FRAS1: variants seen among roughly 807,000 people sequenced by gnomAD.
FRAS1 encodes extracellular matrix organizing protein FRAS1.
In FRAS1, 290 loss-of-function variants were observed where a neutral mutation model predicts 435.2. The ratio of observed to expected loss-of-function variants is 0.67; its 90% confidence interval spans 0.61 to 0.73. The LOEUF is 0.73. FRAS1 is among the 30% of genes least tolerant of loss of function. FRAS1 has a pLI of 0.00. For synonymous variants in FRAS1, 1,800 were observed against 1,851.0 expected (o/e 0.97, Z 0.71); for missense variants, 4,860 against 5,001.5 (o/e 0.97, Z 0.85).
intron 2 of FRAS1, among the ~76,000 whole-genome samples, chr4:78,196,951 G>A (rs1229835167): frequency 6.6e-6 from 1 of 152,144 alleles, no homozygotes; most frequent in Non-Finnish European, 1.5e-5. Flanking sequence ...TTGCAATGCA[G>A]GGAAGTATGA....
At position 78,542,790 on chromosome 4, in the gene FRAS1, G is replaced by A. The variant is rs1374310535; in HGVS notation, c.*1666G>A. ...TGGTGTCATGGGTGAATGATGGGGA[G>A]TAAATTTAGGAAGGGGAAGTGAGAG... On this transcript the variant is annotated 3_prime_UTR_variant, in exon 74 of 74. Coordinates refer to ENST00000512123, the MANE Select transcript of FRAS1 (RefSeq NM_025074.7). 4 of 152,454 alleles carry A rather than the reference G, an allele frequency of 2.6e-5. No homozygotes were observed. In the East Asian group the frequency reaches 7.7e-4, roughly 29 times the overall value. The allele number at this position is 152,454 out of a possible 1,614,324, so 9.4% of individuals were successfully genotyped here. A position where few individuals can be genotyped will look rare whatever the true frequency, so the allele number is the denominator to read the frequency against.
At position 78,167,776 on chromosome 4, in the gene FRAS1, C is replaced by T. The variant is rs761302620; in HGVS notation, c.109-69734C>T. On this transcript the variant is annotated intron_variant, in intron 2 of 73. Coordinates refer to ENST00000512123, the MANE Select transcript of FRAS1 (RefSeq NM_025074.7). ...CGATCTGAACCTATGCTGTTAACCA[C>T]CATGCTATACTTAGATAAGCCAGTT... 7.9e-5 allele frequency among the ~76,000 whole-genome samples: 12 copies of T among 152,008 alleles called. No individual in the cohort carries two copies. The East Asian group carries it at 1.2e-3, about 15-fold the overall frequency.
At chr4:78,121,437 G>T (rs1339614328) in intron 2 of FRAS1, among the ~76,000 whole-genome samples, 1 of 152,190 alleles carries the variant, frequency 6.6e-6, no homozygotes, top group Non-Finnish European at 1.5e-5. Flanking sequence ...AGGGTGAGGG[G>T]TGTTGGCACA....
At chr4:78,137,947 C>G (rs984167725) in intron 2 of FRAS1, among the ~76,000 whole-genome samples, 1 of 152,096 alleles carries the variant, frequency 6.6e-6, no homozygotes, top group Non-Finnish European at 1.5e-5. Flanking sequence ...TACAGAAGGC[C>G]GGATGAATGG....
intron 14 of FRAS1, among the ~76,000 whole-genome samples, chr4:78,305,545 G>C (rs345540): frequency 0.65 from 77,907 of 119,722 alleles, 26,607 homozygotes; most frequent in African/African-American, 0.74. Flanking sequence ...TCTGGGTGCT[G>C]CTGTATTGGG....
chr4:78,237,427 T>A, intron 2 of FRAS1, 83 bp from the exon 3 acceptor site: 1 of 898,592 alleles, frequency 1.1e-6, no homozygotes, highest in South Asian at 1.5e-5. Flanking sequence ...TTGTCCAGGA[T>A]GTGGGACTAT....
intron 70 of FRAS1, among the ~76,000 whole-genome samples, chr4:78,534,130 C>G (rs542106596): frequency 6.6e-6 from 1 of 152,160 alleles, no homozygotes; most frequent in Non-Finnish European, 1.5e-5. Flanking sequence ...TCTAGCTGGA[C>G]TCCAAAGCGG....
chr4:78,435,067 G>A (rs775060654), intron 38 of FRAS1, among the ~76,000 whole-genome samples: 3 of 151,940 alleles, frequency 2.0e-5, no homozygotes, highest in African/African-American at 4.8e-5. Flanking sequence ...CACCAGCCTG[G>A]ACAACATGGC....
intron 2 of FRAS1, among the ~76,000 whole-genome samples, chr4:78,170,771 C>T (rs370624460): frequency 6.6e-6 from 1 of 151,944 alleles, no homozygotes; most frequent in East Asian, 1.9e-4. Context: ...ACCTCTGATA[C>T]CATCCTCATT....
chr4:78,232,903 C>G (rs879268684), intron 2 of FRAS1, among the ~76,000 whole-genome samples: 23 of 152,128 alleles, frequency 1.5e-4, no homozygotes, highest in Admixed American at 2.6e-4. Flanking sequence ...TCATAGTCTG[C>G]TGGGAAGACA....
chr4:78,380,663 T>G (rs1050230519), intron 27 of FRAS1, among the ~76,000 whole-genome samples: 1 of 152,216 alleles, frequency 6.6e-6, no homozygotes, highest in African/African-American at 2.4e-5. Context: ...ATTAGCCTCT[T>G]GGATTATCCT....
chr4:78,407,981 T>A, intron 31 of FRAS1, 140 bp downstream of exon 31: 1 of 710,416 alleles, frequency 1.4e-6, no homozygotes, highest in Non-Finnish European at 2.2e-6. Flanking sequence ...TTCATGCTAC[T>A]GATAAAGACA....
chr4:78,220,932 C>T (rs1724025485), intron 2 of FRAS1, among the ~76,000 whole-genome samples: 2 of 152,104 alleles, frequency 1.3e-5, no homozygotes, highest in African/African-American at 4.8e-5. Context: ...CTTTGGGAGG[C>T]TGAGGCGGGC....
chr4:78,517,966 G>A (rs1721260774), intron 66 of FRAS1, among the ~76,000 whole-genome samples: 1 of 152,008 alleles, frequency 6.6e-6, no homozygotes, highest in African/African-American at 2.4e-5. Context: ...AGAACAAAAA[G>A]AGGGGCTGGG....
chr4:78,224,744 C>A (rs898147205), intron 2 of FRAS1, among the ~76,000 whole-genome samples: 4 of 152,036 alleles, frequency 2.6e-5, no homozygotes, highest in African/African-American at 9.7e-5. Flanking sequence ...GTTGCCCAGG[C>A]TGGTTTCAAA....
chr4:78,403,538 C>T (rs1732983084), intron 30 of FRAS1, among the ~76,000 whole-genome samples: 1 of 152,152 alleles, frequency 6.6e-6, no homozygotes, highest in Admixed American at 6.5e-5. Context: ...TTTGTGGAGA[C>T]TTTACCTTGT....
chr4:78,224,178 A>G (rs1724172172), intron 2 of FRAS1, among the ~76,000 whole-genome samples: 1 of 152,196 alleles, frequency 6.6e-6, no homozygotes, highest in East Asian at 1.9e-4. Context: ...AGTCAATTAG[A>G]TCTATTGATC....
At chr4:78,232,857 A>G (rs1286664767) in intron 2 of FRAS1, among the ~76,000 whole-genome samples, 1 of 152,226 alleles carries the variant, frequency 6.6e-6, no homozygotes, top group Non-Finnish European at 1.5e-5. Context: ...TGAGATATAC[A>G]AAGAGGAATC....
At position 78,218,506 on chromosome 4, in the gene FRAS1, C is replaced by T. The variant is rs148164864; in HGVS notation, c.109-19004C>T. Among the ~76,000 whole-genome samples, 868 of 152,304 alleles carry T rather than the reference C, an allele frequency of 5.7e-3. 11 individuals carry two copies. The highest frequency in any genetic ancestry group is 0.02 in the African/African-American group (813 of 41,574). ...AGTTGCAGACTGTGTGGACATGGAT[C>T]ATCAAGTGCATACTGTTTGTCGTAT... On this transcript the variant is annotated intron_variant, in intron 2 of 73. Transcript: ENST00000512123.
Sources: gnomAD v4.1 joint callset for allele counts (sites outside exome capture counted in the v4.1 genomes callset) on GRCh38, gnomAD v4.1.1 for gene constraint, MANE v1.5 for transcripts, NCBI Gene and HGNC (gene_info 2026-07-23, HGNC 2026-07-21) for gene names.